The following PROSER2 variants were observed in gnomAD, a reference collection of about 807,000 sequenced individuals.
PROSER2 encodes proline and serine-rich protein 2.
PROSER2 carries 18 observed loss-of-function variants against 14.6 expected under a neutral mutation model. The ratio of observed to expected loss-of-function variants is 1.23; its 90% CI spans 0.85 to 1.83. The LOEUF (loss-of-function observed/expected upper bound fraction) is 1.83. PROSER2 is among the 40% of genes most tolerant of loss of function. The probability of loss-of-function intolerance (pLI) is 0.00; values close to 1 mark genes in which losing one functional copy is unlikely to be tolerated. For missense variants in PROSER2, 823 were observed against 629.8 expected, an observed-to-expected ratio of 1.31 and a Z score of -3.28; for synonymous variants, 367 against 286.4, an observed-to-expected ratio of 1.28 and a Z score of -2.84.
At position 11,848,910 on chromosome 10, in the gene PROSER2, C is replaced by G. The variant is rs546058597; in HGVS notation, c.-81-3087C>G. On this transcript the variant is annotated intron_variant, in intron 1 of 3. Transcript: ENST00000277570. The stretch of plus-strand genomic sequence containing the variant: ...TGTTTGGAGAGTTTGTTTAACAAGC[C>G]AGGTGTGGTGGCTCACGCCTGTAAT... 3.9e-5 allele frequency among the ~76,000 whole-genome samples: 6 copies of G among 152,048 alleles called. No individual in the cohort carries two copies. In the South Asian group the frequency reaches 1.2e-3, roughly 32 times the overall value.
In PROSER2 at chr10:11,865,164, G is replaced by A. The variant is rs1020434742; in HGVS notation, c.139-1367G>A. Among the ~76,000 whole-genome samples, 1 of 151,710 alleles carries A rather than the reference G, an allele frequency of 6.6e-6. No homozygotes were observed. The highest frequency in any genetic ancestry group is 1.5e-5 in the Non-Finnish European group (1 of 67,972). ...CTCTGGAACTCTCATTATTCACATA[G>A]TGGCCCTCCCAGATCCATCCTTTGA... is the stretch of plus-strand genomic sequence containing the variant. On this transcript the variant is annotated intron_variant, in intron 2 of 3. Coordinates refer to ENST00000277570, the MANE Select transcript of PROSER2 (RefSeq NM_153256.4). This position sits in a 1 kb window ranked among gnomAD's most constrained non-coding sequence, Gnocchi z 4.2.
chr10:11,850,236 A>C (rs1181941889), intron 1 of PROSER2: 1 of 152,468 alleles, frequency 6.6e-6, no homozygotes, highest in Non-Finnish European at 1.5e-5. Context: ...GAGGAGTCGG[A>C]AACATCTCCA....
intron 2 of PROSER2, among the ~76,000 whole-genome samples, chr10:11,863,591 T>C (rs1230757027): frequency 2.0e-5 from 3 of 151,994 alleles, no homozygotes; most frequent in Admixed American, 6.5e-5. Context: ...CTCATAGCAT[T>C]ATAGAGTCAA....
chr10:11,857,944 T>C (rs774028241), intron 2 of PROSER2, among the ~76,000 whole-genome samples: 13 of 151,198 alleles, frequency 8.6e-5, no homozygotes, highest in African/African-American at 1.2e-4. Context: ...TCTTTTTTTT[T>C]CCCCCCCAAG....
At chr10:11,834,059 G>A (rs7090103) in intron 1 of PROSER2, among the ~76,000 whole-genome samples, 139,182 of 145,390 alleles carry the variant, frequency 0.96, 66,883 homozygotes, top group East Asian at 1. Context: ...CAGTGGTGCA[G>A]TCTCAGCTCA....
Position 11,866,611 on chromosome 10 carries a change from C to T in PROSER2, c.219C>T (p.Asp73=), listed in dbSNP as rs142720162. 5.9e-5 allele frequency: 96 copies of T among 1,614,226 alleles called. No individual in the cohort carries two copies. Among genetic ancestry groups the T allele is most frequent in the African/African-American group, 2.8e-4 (21 of 75,060 alleles). Residue 73 remains aspartate, a synonymous_variant, in exon 3 of 4, where the codon GAC becomes GAT. Transcript: ENST00000277570. The surrounding 1 kb of genome is among the most constrained non-coding windows in gnomAD (Gnocchi z 6.0). ...LFFEETIDSL[D]EDFEEPVLCD... ...TTGAAGAGACGATTGACTCCCTAGA[C>T]GAGGACTTTGAGGAGCCAGTGCTGT...
intron 2 of PROSER2, among the ~76,000 whole-genome samples, chr10:11,855,473 CAAAAAA>C (rs71380787): frequency 2.3e-3 from 232 of 102,638 alleles, no homozygotes; most frequent in African/African-American, 8.7e-3. Context: ...GACTCCATCT[CAAAAAA>C]AAAAAAAAAA....
In PROSER2 at chr10:11,851,986, G is replaced by C; in HGVS notation, c.-81-11G>C. ...TTACTGACCATTGTCATTCGTGTTT[G>C]GTGTCTCTAGGAGTGAGCTGTTGCC... is the stretch of plus-strand genomic sequence containing the variant. On this transcript the variant is annotated splice_polypyrimidine_tract_variant and intron_variant, in intron 1 of 3. Coordinates refer to ENST00000277570, the MANE Select transcript of PROSER2 (RefSeq NM_153256.4). 1 of 1,321,802 alleles carries C rather than the reference G, an allele frequency of 7.6e-7. No homozygotes were observed. Among genetic ancestry groups the C allele is most frequent in the Non-Finnish European group, 9.9e-7 (1 of 1,010,380 alleles). The allele number at this position is 1,321,802 out of a possible 1,614,324, so 81.9% of individuals were successfully genotyped here. A position where few individuals can be genotyped will look rare whatever the true frequency, so the allele number is the denominator to read the frequency against.
intron 1 of PROSER2, among the ~76,000 whole-genome samples, chr10:11,826,453 C>A (rs912351665): frequency 6.6e-6 from 1 of 152,252 alleles, no homozygotes; most frequent in East Asian, 1.9e-4. Context: ...GAGCTGCCAA[C>A]TGTTTTCTAT....
At chr10:11,864,457 A>AT (rs1834304895) in intron 2 of PROSER2, among the ~76,000 whole-genome samples, 1 of 151,846 alleles carries the variant, frequency 6.6e-6, no homozygotes, top group Admixed American at 6.6e-5. Flanking sequence ...CGCACACTTT[A>AT]TTTTTTCTGA....
Position 11,866,407 on chromosome 10 carries a change from ACT to A in PROSER2, c.139-120_139-119del. 1 of 1,096,516 alleles carries A rather than the reference ACT, an allele frequency of 9.1e-7. No homozygotes were observed. Among genetic ancestry groups the A allele is most frequent in the Non-Finnish European group, 1.3e-6 (1 of 751,176 alleles). 67.9% of individuals were successfully genotyped at this position (1,096,516 alleles called of 1,614,324 possible). A position where few individuals can be genotyped will look rare whatever the true frequency, so the allele number is the denominator to read the frequency against. ...ACACGCAGGCACTGTGTGGCAGGGT[ACT>A]CTCGGGACACAGTGAGTTCCGCCCT... On this transcript the variant is annotated intron_variant, in intron 2 of 3. Coordinates refer to ENST00000277570, the MANE Select transcript of PROSER2 (RefSeq NM_153256.4). The surrounding 1 kb of genome is among the most constrained non-coding windows in gnomAD (Gnocchi z 6.0).
In PROSER2 at chr10:11,856,791, G is replaced by A. The variant is rs1246238275; in HGVS notation, c.138+4576G>A. Among the ~76,000 whole-genome samples, 1 of 152,186 alleles carries A rather than the reference G, an allele frequency of 6.6e-6. No homozygotes were observed. The highest frequency in any genetic ancestry group is 2.4e-5 in the African/African-American group (1 of 41,432). On this transcript the variant is annotated intron_variant, in intron 2 of 3. Coordinates refer to ENST00000277570, the MANE Select transcript of PROSER2 (RefSeq NM_153256.4). This position sits in a 1 kb window ranked among gnomAD's most constrained non-coding sequence, Gnocchi z 5.3. ...ATGGCTCATGGACTAAGAAGGCATG[G>A]CAAGCACTGGGGGGCTTCCCACGTG... is the stretch of plus-strand genomic sequence containing the variant.
At chr10:11,841,392 T>A (rs1833843809) in intron 1 of PROSER2, among the ~76,000 whole-genome samples, 1 of 152,168 alleles carries the variant, frequency 6.6e-6, no homozygotes, top group East Asian at 1.9e-4. Flanking sequence ...ACCAATTTTT[T>A]GTTTTATTTT....
chr10:11,859,425 T>C (rs1588496675), intron 2 of PROSER2, among the ~76,000 whole-genome samples: 1 of 152,208 alleles, frequency 6.6e-6, no homozygotes, highest in East Asian at 1.9e-4. Flanking sequence ...AGAGACTGTC[T>C]CAAAAAAACA....
At position 11,869,391 on chromosome 10, in the gene PROSER2, A is replaced by C. The variant is rs576286109; in HGVS notation, c.392-99A>C. The C allele has an allele frequency of 4.7e-6, 4 of 855,426 alleles. No homozygotes were observed. In the East Asian group the frequency reaches 7.5e-5, roughly 16 times the overall value. 53.0% of individuals were successfully genotyped at this position (855,426 alleles called of 1,614,324 possible). ...AGGCAGCACCGGCGAAGTTGGTGTC[A>C]GGTCCAGGTTGAGGCTCTTTTCAGT... On this transcript the variant is annotated intron_variant, in intron 3 of 3. Coordinates refer to ENST00000277570, the MANE Select transcript of PROSER2 (RefSeq NM_153256.4). This position sits in a 1 kb window ranked among gnomAD's most constrained non-coding sequence, Gnocchi z 4.4.
chr10:11,828,531 A>G (rs1034050729), intron 1 of PROSER2, among the ~76,000 whole-genome samples: 3 of 152,042 alleles, frequency 2.0e-5, no homozygotes, highest in South Asian at 4.2e-4. Flanking sequence ...GTGAAACCCC[A>G]TCTCTACTAA....
intron 1 of PROSER2, chr10:11,831,803 T>C (rs954283667): frequency 5.3e-5 from 8 of 152,166 alleles, no homozygotes; most frequent in Non-Finnish European, 1.2e-4. Context: ...TCGAGGCCTG[T>C]TAAAACCCAG....
At chr10:11,858,048 C>T (rs1418984324) in intron 2 of PROSER2, among the ~76,000 whole-genome samples, 1 of 152,186 alleles carries the variant, frequency 6.6e-6, no homozygotes, top group Non-Finnish European at 1.5e-5. Flanking sequence ...AATTCTCCTG[C>T]TTTAGCCTCC....
At position 11,836,070 on chromosome 10, in the gene PROSER2, C is replaced by T. The variant is rs947792956; in HGVS notation, c.-82+12600C>T. Among the ~76,000 whole-genome samples the T allele has an allele frequency of 6.6e-5, 10 of 152,042 alleles. No homozygotes were observed. Among genetic ancestry groups the T allele is most frequent in the African/African-American group, 1.9e-4 (8 of 41,372 alleles). ...ATCTAGAGACAGAGTCTCACTCTGTCGCCCAGGCTGCAGTGCAGTGGCACG... is the reference window on the plus strand; with the variant it reads ...ATCTAGAGACAGAGTCTCACTCTGTTGCCCAGGCTGCAGTGCAGTGGCACG... On this transcript the variant is annotated intron_variant, in intron 1 of 3. Coordinates refer to ENST00000277570, the MANE Select transcript of PROSER2 (RefSeq NM_153256.4). The surrounding 1 kb of genome is among the most constrained non-coding windows in gnomAD (Gnocchi z 4.6).
Sources: gnomAD v4.1 joint callset for allele counts (sites outside exome capture counted in the v4.1 genomes callset) on GRCh38, gnomAD v4.1.1 for gene constraint, Gnocchi (gnomAD v3.1) non-coding constraint, MANE v1.5 for transcripts, NCBI Gene and HGNC (gene_info 2026-07-23, HGNC 2026-07-21) for gene names.